KCTD10: variants seen among roughly 807,000 people sequenced by gnomAD.
KCTD10 encodes potassium channel tetramerization domain containing 10.
KCTD10 carries 13 observed loss-of-function variants against 34.6 expected under a neutral mutation model. The observed-to-expected ratio is 0.38, with a 90% CI of 0.24 to 0.60. The LOEUF (loss-of-function observed/expected upper bound fraction) is 0.60, where lower values mean the gene tolerates loss of function less well. Among genes scored for constraint, KCTD10 ranks in the 20% least tolerant of loss-of-function variants. KCTD10 has a pLI of 0.66. For missense variants in KCTD10, 256 were observed against 420.3 expected (o/e 0.61, Z 3.42); for synonymous variants, 156 against 168.8 (o/e 0.92, Z 0.59).
At chr12:109,455,843 A>T (rs1033479762) in intron 6 of KCTD10, among the ~76,000 whole-genome samples, 1 of 152,108 alleles carries the variant, frequency 6.6e-6, no homozygotes, top group Non-Finnish European at 1.5e-5. Context: ...TTTGGAGAGG[A>T]TGATATAAAA....
At chr12:109,466,093 A>G (rs1873569794) in intron 2 of KCTD10, among the ~76,000 whole-genome samples, 1 of 152,190 alleles carries the variant, frequency 6.6e-6, no homozygotes, top group African/African-American at 2.4e-5. Context: ...CTTTCCGGGA[A>G]GAGTCTGGAA....
Position 109,469,655 on chromosome 12 carries a change from C to T in KCTD10, c.77G>A (p.Gly26Asp), listed in dbSNP as rs772308812. Reference sequence around the variant, plus strand: ...CACGTATTTGGAGCTGGGGCTCGTGCCCTTGAAGGAAGTGGTGCGGGTAGC... The same window carrying T: ...CACGTATTTGGAGCTGGGGCTCGTGTCCTTGAAGGAAGTGGTGCGGGTAGC... The part of the protein sequence containing the change: ...AAATRTTSFK[G>D]TSPSSKYVKL... Residue 26 changes from glycine to aspartate, a missense_variant, in exon 2 of 7, where the codon GGC becomes GAC. Physicochemically the swap from Gly to Asp is moderately conservative, Grantham distance 94 (BLOSUM62 -1). Coordinates refer to ENST00000228495, the MANE Select transcript of KCTD10 (RefSeq NM_031954.5). 3.7e-6 allele frequency: 6 copies of T among 1,614,214 alleles called. No homozygotes were observed. Among genetic ancestry groups the T allele is most frequent in the Non-Finnish European group, 5.1e-6 (6 of 1,180,036 alleles).
Position 109,450,070 on chromosome 12 carries a change from TAA to T in KCTD10, c.*1523_*1524del. 2.6e-6 allele frequency: 1 copy of T among 391,492 alleles called. No homozygotes were observed. The highest frequency in any genetic ancestry group is 1.4e-4 in the South Asian group (1 of 6,962). 24.3% of individuals were successfully genotyped at this position (391,492 alleles called of 1,614,324 possible). ...GGCAGTAAGTACAAAGTCTAAGCTG[TAA>T]AAACCGTTTGAAAATATAAACTCGT... On this transcript the variant is annotated 3_prime_UTR_variant, in exon 7 of 7. Transcript: ENST00000228495.
In KCTD10 at chr12:109,451,670, C is replaced by T. The variant is rs761285998; in HGVS notation, c.867G>A (p.Glu289=). The change falls in exon 7 of 7, where the codon GAG becomes GAA. Residue 289 remains glutamate (E), a synonymous_variant. Transcript: ENST00000228495. The surrounding 1 kb of genome is among the most constrained non-coding windows in gnomAD (Gnocchi z 5.0). The part of the protein sequence containing the change: ...AGRSHHLDED[E]ERERIERVRR... Reference sequence around the variant, plus strand: ...GCACGCGCTCGATCCGCTCCCGCTCCTCGTCCTCGTCCAGGTGGTGGGAGC... The same window carrying T: ...GCACGCGCTCGATCCGCTCCCGCTCTTCGTCCTCGTCCAGGTGGTGGGAGC... 7 of 1,613,564 alleles carry T rather than the reference C, an allele frequency of 4.3e-6. No individual in the cohort carries two copies. In the African/African-American group the frequency reaches 9.3e-5, roughly 22 times the overall value.
intron 5 of KCTD10, 145 bp downstream of exon 5, chr12:109,457,485 G>A (rs1873077122): frequency 3.0e-6 from 2 of 672,940 alleles, no homozygotes; most frequent in Non-Finnish European, 2.7e-6. Flanking sequence ...TTATACCCCT[G>A]TATCCATCTG....
intron 5 of KCTD10, 135 bp downstream of exon 5, chr12:109,457,495 G>A: frequency 1.4e-6 from 1 of 712,362 alleles, no homozygotes; most frequent in Admixed American, 2.2e-5. Flanking sequence ...GTATCCATCT[G>A]TCTACTTATC....
chr12:109,461,951 A>G (rs886274429), intron 2 of KCTD10, among the ~76,000 whole-genome samples: 4 of 152,086 alleles, frequency 2.6e-5, no homozygotes, highest in African/African-American at 9.7e-5. Context: ...GAGAAGGGCC[A>G]ACATTTCCAC....
intron 2 of KCTD10, among the ~76,000 whole-genome samples, chr12:109,468,574 C>T (rs1179821960): frequency 6.6e-6 from 1 of 152,120 alleles, no homozygotes; most frequent in African/African-American, 2.4e-5. Context: ...AAGGATGGAG[C>T]CCTGTTGTCA....
rs932817655 is a variant in KCTD10, at chr12:109,450,756, T to G, written c.*839A>C. Reference sequence around the variant, plus strand: ...ACAGGGTCAGATGGCCTTCCTGGAGTGGAGTCGGGTCAATCAGGAGAACAA... The same window carrying G: ...ACAGGGTCAGATGGCCTTCCTGGAGGGGAGTCGGGTCAATCAGGAGAACAA... On this transcript the variant is annotated 3_prime_UTR_variant, in exon 7 of 7. Coordinates refer to ENST00000228495, the MANE Select transcript of KCTD10 (RefSeq NM_031954.5). 7 of 167,826 alleles carry G rather than the reference T, an allele frequency of 4.2e-5. No individual in the cohort carries two copies. The highest frequency in any genetic ancestry group is 1.7e-4 in the African/African-American group (7 of 41,876). 10.4% of individuals were successfully genotyped at this position (167,826 alleles called of 1,614,324 possible).
At chr12:109,471,073 G>A (rs1873862197) in intron 1 of KCTD10, 2 of 980,618 alleles carry the variant, frequency 2.0e-6, no homozygotes, top group South Asian at 4.7e-5. Flanking sequence ...TATGCTCCTC[G>A]TGCTTTTTGG....
At position 109,449,171 on chromosome 12, in the gene KCTD10, A is replaced by G. The variant is rs530054897; in HGVS notation, c.*2424T>C. 1.3e-5 allele frequency: 2 copies of G among 152,262 alleles called. No individual in the cohort carries two copies. The highest frequency in any genetic ancestry group is 4.8e-5 in the African/African-American group (2 of 41,474). The allele number at this position is 152,262 out of a possible 1,614,324, so 9.4% of individuals were successfully genotyped here. ...ATTGGTTTTTGCCCTTAGTGCTAAC[A>G]TAAGAAAAATCAGTTCCTTGTATAC... is the stretch of plus-strand genomic sequence containing the variant. On this transcript the variant is annotated 3_prime_UTR_variant, in exon 7 of 7. Transcript: ENST00000228495.
In KCTD10 at chr12:109,448,703, A is replaced by G. The variant is rs540962884; in HGVS notation, c.*2892T>C. 6.6e-6 allele frequency: 1 copy of G among 152,394 alleles called. No individual in the cohort carries two copies. The highest frequency in any genetic ancestry group is 1.9e-4 in the East Asian group (1 of 5,194). The allele number at this position is 152,394 out of a possible 1,614,324, so 9.4% of individuals were successfully genotyped here. On this transcript the variant is annotated 3_prime_UTR_variant, in exon 7 of 7. Coordinates refer to ENST00000228495, the MANE Select transcript of KCTD10 (RefSeq NM_031954.5). ...CATGTCGCCAACGTTTGTACAACAT[A>G]CAGTGGCTACATCTAAAACTTTGAG...
chr12:109,469,031 T>A (rs1325569838), intron 2 of KCTD10: 1 of 156,224 alleles, frequency 6.4e-6, no homozygotes, highest in Non-Finnish European at 1.4e-5. Flanking sequence ...TATCTATCTA[T>A]CTACACACAC....
chr12:109,452,365 G>A (rs1457232397), intron 6 of KCTD10, among the ~76,000 whole-genome samples: 1 of 152,174 alleles, frequency 6.6e-6, no homozygotes, highest in East Asian at 1.9e-4. Context: ...TTTTGTACAG[G>A]GTCCAGCTGG....
intron 2 of KCTD10, among the ~76,000 whole-genome samples, chr12:109,461,412 C>T (rs576402088): frequency 3.9e-5 from 6 of 152,312 alleles, no homozygotes; most frequent in East Asian, 3.9e-4. Context: ...ACAGACCCCA[C>T]CCTCAGGCAG....
rs111460893 is a variant in KCTD10 at position 109,473,288 on chromosome 12, G to A, written c.4-3560C>T. 3.1e-3 allele frequency among the ~76,000 whole-genome samples: 474 copies of A among 152,134 alleles called. 1 individual carries two copies. Among genetic ancestry groups the A allele is most frequent in the Non-Finnish European group, 5.3e-3 (363 of 67,998 alleles). On this transcript the variant is annotated intron_variant, in intron 1 of 6. Coordinates refer to ENST00000228495, the MANE Select transcript of KCTD10 (RefSeq NM_031954.5). ...AGTACAAAAAGCCCTGAAAATAGTCGCGAGGTAAAGTGTGGCTAAGGGTTT... is the reference window on the plus strand; with the variant it reads ...AGTACAAAAAGCCCTGAAAATAGTCACGAGGTAAAGTGTGGCTAAGGGTTT...
intron 2 of KCTD10, among the ~76,000 whole-genome samples, chr12:109,462,258 C>T (rs901666270): frequency 3.9e-5 from 6 of 152,228 alleles, no homozygotes; most frequent in African/African-American, 1.4e-4. Context: ...TTCCAGGTTC[C>T]CCTGATGAAA....
At chr12:109,456,407 T>C in intron 5 of KCTD10, 94 bp from the exon 6 acceptor site, 1 of 996,626 alleles carries the variant, frequency 1.0e-6, no homozygotes. Flanking sequence ...CTGAGCCCAC[T>C]TTCTCCACTA....
chr12:109,470,105 G>T (rs1388606844), intron 1 of KCTD10: 4 of 1,053,918 alleles, frequency 3.8e-6, no homozygotes, highest in Non-Finnish European at 4.6e-6. Context: ...CTTCCTTTCT[G>T]CCTAGCACCT....
Sources: gnomAD v4.1 joint callset for allele counts (sites outside exome capture counted in the v4.1 genomes callset) on GRCh38, gnomAD v4.1.1 for gene constraint, Gnocchi (gnomAD v3.1) non-coding constraint, MANE v1.5 for transcripts, NCBI Gene and HGNC (gene_info 2026-07-23, HGNC 2026-07-21) for gene names.